Variants in MYH10 observed in about 807,000 individuals in gnomAD.
MYH10 encodes the protein myosin heavy chain 10.
Under a neutral mutation model 257.8 loss-of-function variants are expected in MYH10, and 55 were observed. That is an observed-to-expected ratio of 0.21 (90% CI 0.17 to 0.27). The LOEUF (loss-of-function observed/expected upper bound fraction) is 0.27. Ranked by LOEUF, MYH10 falls within the 10% of genes least tolerant of loss-of-function variation. The probability of loss-of-function intolerance (pLI) is 1.00; values close to 1 mark genes in which losing one functional copy is unlikely to be tolerated. For synonymous variants in MYH10, 854 were observed against 921.7 expected (o/e 0.93, Z 1.33); for missense variants, 1,631 against 2,500.6 (o/e 0.65, Z 7.42).
chr17:8,545,426 A>G lies in MYH10; in HGVS notation c.1431+22T>C, dbSNP rs369081130. 972 of 1,611,410 alleles carry G rather than the reference A, an allele frequency of 6.0e-4. 1 individual carries two copies. The highest frequency in any genetic ancestry group is 7.9e-4 in the Non-Finnish European group (927 of 1,178,934). On this transcript the variant is annotated intron_variant, in intron 13 of 42. Coordinates refer to ENST00000360416, the MANE Select transcript of MYH10 (RefSeq NM_001256012.3). The surrounding 1 kb of genome is among the most constrained non-coding windows in gnomAD (Gnocchi z 4.7). The stretch of plus-strand genomic sequence containing the variant: ...GAACAAACAAAAAGAAGGACGAGCT[A>G]GAGGAAGAGGGGGAAGAATACCTCA...
chr17:8,603,083 A>G (rs1294085446), intron 3 of MYH10, among the ~76,000 whole-genome samples: 1 of 152,182 alleles, frequency 6.6e-6, no homozygotes, highest in African/African-American at 2.4e-5. Context: ...CTGGGAACCC[A>G]CTAATGGGAT....
chr17:8,543,734 A>G (rs1261272996), intron 13 of MYH10, among the ~76,000 whole-genome samples: 2 of 152,152 alleles, frequency 1.3e-5, no homozygotes, highest in African/African-American at 2.4e-5. Context: ...GGCCTCCCAA[A>G]GTGCTGGGAT....
chr17:8,527,453 C>T (rs1172100176), intron 17 of MYH10, among the ~76,000 whole-genome samples: 10 of 152,220 alleles, frequency 6.6e-5, no homozygotes, highest in African/African-American at 1.2e-4. Flanking sequence ...CTGTGCTCTG[C>T]GCTCGCTTTC....
In MYH10 at chr17:8,506,191, G is replaced by T; in HGVS notation, c.3386+127C>A. ...ACGCCTGGGCTTTTCACTTTCTCAG[G>T]TCACACCAAACAGCAAGCAAACCCC... is the stretch of plus-strand genomic sequence containing the variant. On this transcript the variant is annotated intron_variant, in intron 27 of 42. Coordinates refer to ENST00000360416, the MANE Select transcript of MYH10 (RefSeq NM_001256012.3). The surrounding 1 kb of genome is among the most constrained non-coding windows in gnomAD (Gnocchi z 5.0). 1.0e-6 allele frequency: 1 copy of T among 954,816 alleles called. No individual in the cohort carries two copies. Among genetic ancestry groups the T allele is most frequent in the Non-Finnish European group, 1.5e-6 (1 of 670,584 alleles). 59.1% of individuals were successfully genotyped at this position (954,816 alleles called of 1,614,324 possible).
intron 36 of MYH10, among the ~76,000 whole-genome samples, chr17:8,485,197 A>G (rs1252587574): frequency 6.6e-6 from 1 of 152,228 alleles, no homozygotes; most frequent in Non-Finnish European, 1.5e-5. Context: ...TTATATTTCT[A>G]TACACCAACT....
At chr17:8,518,030 G>A (rs2151896348) in intron 21 of MYH10, among the ~76,000 whole-genome samples, 1 of 148,094 alleles carries the variant, frequency 6.8e-6, no homozygotes, top group Non-Finnish European at 1.5e-5. Flanking sequence ...GGCCCCGTGT[G>A]TGTGTGTGTG....
At chr17:8,511,036 A>ACG (rs2081262050) in intron 24 of MYH10, 1 of 6,030 alleles carries the variant, frequency 1.7e-4, no homozygotes, top group African/African-American at 2.2e-4. Context: ...ATATATATAT[A>ACG]TATATATATA....
chr17:8,494,009 T>C, intron 31 of MYH10, 124 bp from the exon 32 acceptor site: 2 of 1,038,430 alleles, frequency 1.9e-6, no homozygotes, highest in Non-Finnish European at 2.8e-6. Context: ...CCCAGTGACA[T>C]TAACAAACAC....
At chr17:8,536,410 G>A (rs946272301) in intron 14 of MYH10, among the ~76,000 whole-genome samples, 36 of 152,068 alleles carry the variant, frequency 2.4e-4, no homozygotes, top group Admixed American at 4.6e-4. Context: ...TATATTTGGC[G>A]AAATATTTTA....
chr17:8,608,852 C>T (rs1041140816), intron 2 of MYH10, among the ~76,000 whole-genome samples: 17 of 150,978 alleles, frequency 1.1e-4, no homozygotes, highest in African/African-American at 3.9e-4. Flanking sequence ...CGCTCTGTCG[C>T]CAGGCTGGAG....
intron 38 of MYH10, 161 bp from the exon 39 acceptor site, chr17:8,480,686 C>A (rs1004845365): frequency 2.3e-6 from 2 of 882,994 alleles, no homozygotes; most frequent in African/African-American, 3.3e-5. Context: ...GTAGGTCCCA[C>A]TGATGACACT....
intron 39 of MYH10, 30 bp downstream of exon 39, chr17:8,480,372 C>T: frequency 1.2e-6 from 2 of 1,613,190 alleles, no homozygotes; most frequent in Non-Finnish European, 1.7e-6. Flanking sequence ...GCACAGCCCT[C>T]CCTGGGTGAC....
At chr17:8,595,425 C>CTTT (rs10664342) in intron 3 of MYH10, among the ~76,000 whole-genome samples, 4,247 of 83,710 alleles carry the variant, frequency 0.051, 676 homozygotes, top group Non-Finnish European at 0.059. Context: ...AAGAACAGTT[C>CTTT]TTTTTTTTTT....
In MYH10 at chr17:8,484,222, T is replaced by G; in HGVS notation, c.5091A>C (p.Ala1697=). The G allele has an allele frequency of 3.7e-6, 6 of 1,613,186 alleles. No homozygotes were observed. Among genetic ancestry groups the G allele is most frequent in the Non-Finnish European group, 5.1e-6 (6 of 1,179,552 alleles). ...DYQRELEEAR[A]SRDEIFAQSK... ...ATTGAGCAAAAATCTCATCTCTGGATGCACGAGCTTCTTCTAATTCACGTT... is the reference window on the plus strand; with the variant it reads ...ATTGAGCAAAAATCTCATCTCTGGAGGCACGAGCTTCTTCTAATTCACGTT... The change falls in exon 37 of 43, where the codon GCA becomes GCC. Residue 1697 remains alanine (A), a synonymous_variant. Transcript: ENST00000360416.
intron 7 of MYH10, among the ~76,000 whole-genome samples, chr17:8,554,889 G>A (rs2082739723): frequency 6.6e-6 from 1 of 152,194 alleles, no homozygotes; most frequent in African/African-American, 2.4e-5. Context: ...GGAGGCGGAG[G>A]TTGCAGTGAA....
chr17:8,560,544 G>A, intron 7 of MYH10: 1 of 700,302 alleles, frequency 1.4e-6, no homozygotes, highest in Non-Finnish European at 2.4e-6. Flanking sequence ...CCTTCGAGCT[G>A]TTTGCCGACA....
chr17:8,589,952 C>A lies in MYH10; in HGVS notation c.503-844G>T, dbSNP rs566373315. Among the ~76,000 whole-genome samples the A allele has an allele frequency of 1.2e-4, 19 of 152,290 alleles. No individual in the cohort carries two copies. The South Asian group carries it at 3.5e-3, about 28-fold the overall frequency. On this transcript the variant is annotated intron_variant, in intron 3 of 42. Coordinates refer to ENST00000360416, the MANE Select transcript of MYH10 (RefSeq NM_001256012.3). ...CCCAAGTGACACGGCTACGAAGGGG[C>A]AAGGTTGCCAGGATGAGGACCCAGG...
intron 3 of MYH10, among the ~76,000 whole-genome samples, chr17:8,599,474 TGTAA>T (rs1358440376): frequency 2.0e-5 from 3 of 152,192 alleles, no homozygotes; most frequent in Non-Finnish European, 4.4e-5. Flanking sequence ...GTGATGTACA[TGTAA>T]GTATTATCTG....
Position 8,490,367 on chromosome 17 carries a change from T to C in MYH10, c.4857A>G (p.Glu1619=), listed in dbSNP as rs1915579718. The change falls in exon 35 of 43, where the codon GAA becomes GAG. Residue 1619 remains glutamate (E), a synonymous_variant. Transcript: ENST00000360416. The surrounding 1 kb of genome is among the most constrained non-coding windows in gnomAD (Gnocchi z 4.1). ...RDLQTRDEQN[E]EKKRLLIKQV... ...GTTTGATCAGCAGCCGCTTCTTCTC[T>C]TCATTCTGCTCATCCCTGGTTTGCA... 6.2e-7 allele frequency: 1 copy of C among 1,613,986 alleles called. No individual in the cohort carries two copies. Among genetic ancestry groups the C allele is most frequent in the South Asian group, 1.1e-5 (1 of 91,094 alleles).
Sources: gnomAD v4.1 joint callset for allele counts (sites outside exome capture counted in the v4.1 genomes callset) on GRCh38, gnomAD v4.1.1 for gene constraint, Gnocchi (gnomAD v3.1) non-coding constraint, MANE v1.5 for transcripts, NCBI Gene and HGNC (gene_info 2026-07-23, HGNC 2026-07-21) for gene names.